The following DCAF8L2 variants were observed in gnomAD, a reference collection of about 807,000 sequenced individuals.
The protein encoded by DCAF8L2 is DDB1 and CUL4 associated factor 8 like 2.
For synonymous variants in DCAF8L2, 200 were observed against 190.9 expected (o/e 1.05, Z -0.39); for missense variants, 430 against 490.7 (o/e 0.88, Z 1.17).
At chrX:27,519,089 G>A in the DCAF8L2 span, 7 of 1,060,362 alleles carry the variant, frequency 6.6e-6, no homozygotes, top group East Asian at 2.1e-4. Flanking sequence ...GCTAGGGAGG[G>A]GAAACATCAG....
chrX:27,470,716 G>A, the DCAF8L2 span, among the ~76,000 whole-genome samples: 2 of 112,078 alleles, frequency 1.8e-5, no homozygotes, highest in Admixed American at 1.9e-4. Context: ...TCAGGGCCAT[G>A]TAGGTGATAC....
intron 1 of DCAF8L2, among the ~76,000 whole-genome samples, chrX:27,604,652 C>T (rs1926795414): frequency 8.9e-6 from 1 of 112,043 alleles, no homozygotes. Flanking sequence ...ATCTTTGTCT[C>T]TAACTGGTGT....
chrX:27,648,980 A>T (rs1361372167), intron 2 of DCAF8L2, among the ~76,000 whole-genome samples: 1 of 111,922 alleles, frequency 8.9e-6, no homozygotes, highest in Non-Finnish European at 1.9e-5. Flanking sequence ...TAATATTAAC[A>T]TCACCCGGAA....
intron 2 of DCAF8L2, among the ~76,000 whole-genome samples, chrX:27,659,441 T>C (rs1929474075): frequency 8.9e-6 from 1 of 111,838 alleles, no homozygotes; most frequent in Admixed American, 9.5e-5. Context: ...CACATGTTCA[T>C]GTACATGCAC....
At chrX:27,692,071 A>T (rs1203883853) in intron 3 of DCAF8L2, among the ~76,000 whole-genome samples, 1 of 111,812 alleles carries the variant, frequency 8.9e-6, no homozygotes, top group Non-Finnish European at 1.9e-5. Context: ...GTGATGTAGA[A>T]TATTATTCTG....
chrX:27,736,774 G>A (rs984870963), intron 4 of DCAF8L2, among the ~76,000 whole-genome samples: 2 of 111,677 alleles, frequency 1.8e-5, no homozygotes, highest in African/African-American at 6.5e-5. Context: ...GGGAACTTGA[G>A]GGTGGTCTCT....
the DCAF8L2 span, among the ~76,000 whole-genome samples, chrX:27,488,369 T>G: frequency 8.9e-6 from 1 of 112,027 alleles, no homozygotes; most frequent in Non-Finnish European, 1.9e-5. Flanking sequence ...GCAAAAGAGT[T>G]ATTTTCATGT....
the DCAF8L2 span, among the ~76,000 whole-genome samples, chrX:27,472,255 T>G: frequency 8.9e-6 from 1 of 111,906 alleles, no homozygotes; most frequent in African/African-American, 3.3e-5. Context: ...TCTCCATAGA[T>G]CTCTTCTTAT....
At chrX:27,548,005 C>T in the DCAF8L2 span, among the ~76,000 whole-genome samples, 1 of 108,529 alleles carries the variant, frequency 9.2e-6, no homozygotes, top group African/African-American at 3.4e-5. Context: ...CCTGTACAGC[C>T]TGTGGAGCTG....
In DCAF8L2 at chrX:27,677,869, A is replaced by G. The variant is rs1024119323; in HGVS notation, c.-186A>G. 8.9e-6 allele frequency: 1 copy of G among 112,121 alleles called. No individual in the cohort carries two copies. Among genetic ancestry groups the G allele is most frequent in the Non-Finnish European group, 1.9e-5 (1 of 53,173 alleles). The allele number at this position is 112,121 out of a possible 1,213,427, so 9.2% of individuals were successfully genotyped here. On this transcript the variant is annotated 5_prime_UTR_variant, in exon 3 of 5. It removes an upstream start codon present in the reference 5' UTR. Transcript: ENST00000451261. ...TCTTAATTGAAGAAAATCATATCAC[A>G]TGTGAACTTTCTGACCATACTGTGG... is the stretch of plus-strand genomic sequence containing the variant.
chrX:27,689,067 A>G (rs1245474072), intron 3 of DCAF8L2, among the ~76,000 whole-genome samples: 1 of 112,204 alleles, frequency 8.9e-6, no homozygotes, highest in Non-Finnish European at 1.9e-5. Flanking sequence ...GTGTTTTGCT[A>G]TGATTCTAAA....
chrX:27,618,648 G>A (rs987152101), intron 1 of DCAF8L2, among the ~76,000 whole-genome samples: 3 of 110,726 alleles, frequency 2.7e-5, no homozygotes, highest in Non-Finnish European at 5.7e-5. Context: ...GCTCTGCCCC[G>A]TGAAGCAAAA....
the DCAF8L2 span, among the ~76,000 whole-genome samples, chrX:27,532,849 G>A: frequency 1.9e-5 from 2 of 106,757 alleles, no homozygotes; most frequent in Non-Finnish European, 3.8e-5. Flanking sequence ...GCTGAAGCAG[G>A]AGGATCACTT....
At chrX:27,517,956 T>C in the DCAF8L2 span, 1 of 1,195,931 alleles carries the variant, frequency 8.4e-7, no homozygotes, top group East Asian at 3.0e-5. Context: ...CTGGTTTTTT[T>C]GGGCTGCAGT....
chrX:27,720,528 C>G (rs926707279), intron 4 of DCAF8L2, among the ~76,000 whole-genome samples: 1 of 110,753 alleles, frequency 9.0e-6, no homozygotes, highest in African/African-American at 3.3e-5. Context: ...CGCCCGCCAC[C>G]GCGCCTGGCT....
Position 27,748,158 on chromosome X carries a change from C to T in DCAF8L2, c.1263C>T (p.Phe421=), listed in dbSNP as rs766389302. 5.8e-6 allele frequency: 7 copies of T among 1,211,862 alleles called. No individual in the cohort carries two copies. Among genetic ancestry groups the T allele is most frequent in the Non-Finnish European group, 7.8e-6 (7 of 895,519 alleles). ...CTCATCATCTGGTTAATTGTGATTT[C>T]CCAACAAACATCACCTGCGTTGTGT... is the stretch of plus-strand genomic sequence containing the variant. ...FTPHHLVNCD[F]PTNITCVVYS... The change falls in exon 5 of 5, where the codon TTC becomes TTT. Residue 421 remains phenylalanine (F), a synonymous_variant. Coordinates refer to ENST00000451261, the MANE Select transcript of DCAF8L2 (RefSeq NM_001353450.2).
the DCAF8L2 span, among the ~76,000 whole-genome samples, chrX:27,542,002 A>G: frequency 8.9e-5 from 10 of 111,774 alleles, no homozygotes; most frequent in South Asian, 1.5e-3. Flanking sequence ...AGCTACATCC[A>G]TGTTGCTGCA....
At chrX:27,567,678 T>C in the DCAF8L2 span, among the ~76,000 whole-genome samples, 36 of 104,188 alleles carry the variant, frequency 3.5e-4, 1 homozygote, top group Non-Finnish European at 6.9e-4. Flanking sequence ...GATACTTTAT[T>C]CCATAAAATA....
chrX:27,592,417 G>GTTTTTTTTTTTTTTTTGTTTTTTTTTT (rs1248208449), intron 1 of DCAF8L2, among the ~76,000 whole-genome samples: 2 of 83,950 alleles, frequency 2.4e-5, no homozygotes, highest in Admixed American at 1.3e-4. Context: ...GTTTGTTTTT[G>GTTTTTTTTTTTTTTTTGTTTTTTTTTT]TTTTTTTTTT....
Sources: allele counts gnomAD v4.1 joint callset (sites outside exome capture counted in the v4.1 genomes callset), GRCh38; gene constraint gnomAD v4.1.1; transcripts MANE v1.5; gene names NCBI Gene and HGNC (gene_info 2026-07-23, HGNC 2026-07-21).